Variants in BBS9 observed in about 807,000 individuals in gnomAD.
BBS9 encodes protein PTHB1.
A neutral mutation model predicts 117.7 loss-of-function variants in BBS9; 89 were observed. The ratio of observed to expected loss-of-function variants is 0.76; its 90% CI spans 0.64 to 0.90. The LOEUF (loss-of-function observed/expected upper bound fraction) is 0.90, where lower values mean the gene tolerates loss of function less well. Among genes scored for constraint, BBS9 ranks in the 40% least tolerant of loss-of-function variants. The pLI is 0.00. For synonymous variants in BBS9, 379 were observed against 370.9 expected (o/e 1.02, Z -0.25); for missense variants, 982 against 1,042.2 (o/e 0.94, Z 0.80).
At chr7:33,230,668 G>A (rs1792184366) in intron 5 of BBS9, among the ~76,000 whole-genome samples, 1 of 152,162 alleles carries the variant, frequency 6.6e-6, no homozygotes. Context: ...GTGAGAACTT[G>A]TGGTATTTGG....
At chr7:33,284,694 A>G (rs887247849) in intron 9 of BBS9, among the ~76,000 whole-genome samples, 1 of 152,128 alleles carries the variant, frequency 6.6e-6, no homozygotes, top group Non-Finnish European at 1.5e-5. Flanking sequence ...TCTGTTCCCA[A>G]TATCTGCTCT....
At chr7:33,139,011 G>A (rs1791026631) in intron 1 of BBS9, among the ~76,000 whole-genome samples, 1 of 151,270 alleles carries the variant, frequency 6.6e-6, no homozygotes, top group Non-Finnish European at 1.5e-5. Flanking sequence ...CCAGCACTTT[G>A]GGAGGCTGAG....
At chr7:33,527,053 G>A (rs1486314865) in intron 20 of BBS9, among the ~76,000 whole-genome samples, 2 of 151,634 alleles carry the variant, frequency 1.3e-5, no homozygotes, top group African/African-American at 2.4e-5. Context: ...TCCCAGTTAG[G>A]CTGCTCGGGG....
intron 21 of BBS9, among the ~76,000 whole-genome samples, chr7:33,553,240 C>A (rs1203713696): frequency 6.6e-6 from 1 of 152,172 alleles, no homozygotes; most frequent in Non-Finnish European, 1.5e-5. Context: ...ATAATTGCAT[C>A]TTCATTGTGG....
chr7:33,408,711 C>T (rs1176791317), intron 19 of BBS9, among the ~76,000 whole-genome samples: 2 of 151,988 alleles, frequency 1.3e-5, no homozygotes, highest in African/African-American at 4.8e-5. Context: ...ATTTATTTTC[C>T]TTTGGGTCTG....
chr7:33,357,124 G>A (rs10486528), intron 15 of BBS9, among the ~76,000 whole-genome samples: 4,323 of 151,756 alleles, frequency 0.028, 202 homozygotes, highest in African/African-American at 0.093. Flanking sequence ...ATTCTAATAT[G>A]AAACTCTTCA....
intron 7 of BBS9, among the ~76,000 whole-genome samples, chr7:33,266,753 T>G (rs1798895812): frequency 6.6e-6 from 1 of 152,126 alleles, no homozygotes; most frequent in Admixed American, 6.5e-5. Flanking sequence ...ATTTATTTAT[T>G]TATTTTTGAG....
intron 9 of BBS9, among the ~76,000 whole-genome samples, chr7:33,288,636 G>A (rs1803380020): frequency 6.6e-6 from 1 of 152,120 alleles, no homozygotes; most frequent in Non-Finnish European, 1.5e-5. Flanking sequence ...TTTTGAGCAA[G>A]AGTATTTTTA....
At chr7:33,575,777 A>G (rs1858725736) in intron 21 of BBS9, among the ~76,000 whole-genome samples, 1 of 152,190 alleles carries the variant, frequency 6.6e-6, no homozygotes, top group Admixed American at 6.5e-5. Context: ...AACATAATCC[A>G]TCACCTAAAC....
Position 33,578,614 on chromosome 7 carries a change from G to C in BBS9, c.2522-26251G>C, listed in dbSNP as rs549199081. ...TAAACCAGAAGTTACATAGGAAGTTGAGTGTGTTACCACTCACCTAGCATA... is the reference window on the plus strand; with the variant it reads ...TAAACCAGAAGTTACATAGGAAGTTCAGTGTGTTACCACTCACCTAGCATA... On this transcript the variant is annotated intron_variant, in intron 21 of 22. Coordinates refer to ENST00000242067, the MANE Select transcript of BBS9 (RefSeq NM_198428.3). Among the ~76,000 whole-genome samples the C allele has an allele frequency of 2.6e-5, 4 of 152,298 alleles. No individual in the cohort carries two copies. In the South Asian group the frequency reaches 8.3e-4, roughly 32 times the overall value.
At chr7:33,145,148 A>G (rs147144374) in intron 1 of BBS9, among the ~76,000 whole-genome samples, 2 of 152,382 alleles carry the variant, frequency 1.3e-5, no homozygotes, top group Non-Finnish European at 2.9e-5. Flanking sequence ...GCAATGGTTC[A>G]GTATTTGCTA....
chr7:33,164,317 A>G (rs1039219604), intron 4 of BBS9, among the ~76,000 whole-genome samples: 2 of 152,050 alleles, frequency 1.3e-5, no homozygotes, highest in African/African-American at 2.4e-5. Flanking sequence ...GTTGATTTGG[A>G]TGGAGAGTTC....
chr7:33,264,313 C>G lies in BBS9; in HGVS notation c.641C>G (p.Thr214Arg), dbSNP rs1055482079. 1 of 1,557,408 alleles carries G rather than the reference C, an allele frequency of 6.4e-7. No homozygotes were observed. Among genetic ancestry groups the G allele is most frequent in the Non-Finnish European group, 8.7e-7 (1 of 1,151,338 alleles). Residue 214 changes from threonine to arginine, a missense_variant, in exon 7 of 23, where the codon ACA becomes AGA. Coordinates refer to ENST00000242067, the MANE Select transcript of BBS9 (RefSeq NM_198428.3). ...SYKYQVLAFA[T>R]DADKRQETEQ... ...AGGTACCAGGTACTTGCTTTTGCAACAGATGCAGATAAAAGGCAGGAGACT... is the reference window on the plus strand; with the variant it reads ...AGGTACCAGGTACTTGCTTTTGCAAGAGATGCAGATAAAAGGCAGGAGACT...
intron 19 of BBS9, among the ~76,000 whole-genome samples, chr7:33,391,983 C>T (rs1827154928): frequency 6.6e-6 from 1 of 152,142 alleles, no homozygotes; most frequent in South Asian, 2.1e-4. Flanking sequence ...ATATGAATAT[C>T]AATTTATAAA....
At chr7:33,484,879 A>G (rs895316908) in intron 19 of BBS9, among the ~76,000 whole-genome samples, 5 of 152,228 alleles carry the variant, frequency 3.3e-5, no homozygotes, top group Non-Finnish European at 7.3e-5. Flanking sequence ...AACAGCAAAG[A>G]CATGGAATCA....
At chr7:33,358,153 G>C (rs1296597447) in intron 16 of BBS9, among the ~76,000 whole-genome samples, 158 bp downstream of exon 16, 1 of 151,686 alleles carries the variant, frequency 6.6e-6, no homozygotes, top group African/African-American at 2.4e-5. Flanking sequence ...CCTGTTCAAA[G>C]GTGAATAGCT....
At chr7:33,278,044 A>G (rs1160427037) in intron 9 of BBS9, among the ~76,000 whole-genome samples, 1 of 152,190 alleles carries the variant, frequency 6.6e-6, no homozygotes, top group Non-Finnish European at 1.5e-5. Flanking sequence ...AATGTCTCCC[A>G]AAGCTAGCCT....
chr7:33,404,149 G>C (rs906414901), intron 19 of BBS9, among the ~76,000 whole-genome samples: 4 of 152,114 alleles, frequency 2.6e-5, no homozygotes, highest in African/African-American at 9.7e-5. Flanking sequence ...AGATCAGATG[G>C]TTGTAGATAT....
intron 19 of BBS9, among the ~76,000 whole-genome samples, chr7:33,492,164 C>T: frequency 7.3e-6 from 1 of 137,318 alleles, no homozygotes; most frequent in Non-Finnish European, 1.5e-5. Flanking sequence ...GATCGCACCA[C>T]TGCACTCCAG....
Sources: allele counts gnomAD v4.1 joint callset (sites outside exome capture counted in the v4.1 genomes callset), GRCh38; gene constraint gnomAD v4.1.1; transcripts MANE v1.5; gene names NCBI Gene and HGNC (gene_info 2026-07-23, HGNC 2026-07-21).